The following CARMIL1 variants were observed in gnomAD, a reference collection of about 807,000 sequenced individuals.
The protein encoded by CARMIL1 is F-actin-uncapping protein LRRC16A.
CARMIL1 carries 90 observed loss-of-function variants against 177.1 expected under a neutral mutation model. That is an observed-to-expected ratio of 0.51 (90% confidence interval 0.43 to 0.61). The LOEUF is 0.61. CARMIL1 is among the 20% of genes least tolerant of loss of function. CARMIL1 has a pLI of 0.00. For synonymous variants in CARMIL1, 577 were observed against 606.2 expected, an observed-to-expected ratio of 0.95 and a Z score of 0.71; for missense variants, 1,380 against 1,667.0, an observed-to-expected ratio of 0.83 and a Z score of 3.00.
chr6:25,507,715 C>G (rs1220537038), intron 17 of CARMIL1, among the ~76,000 whole-genome samples: 3 of 151,946 alleles, frequency 2.0e-5, no homozygotes, highest in African/African-American at 7.3e-5. Flanking sequence ...AATTTTATTT[C>G]TCAACAAGTA....
intron 2 of CARMIL1, among the ~76,000 whole-genome samples, chr6:25,308,311 T>TTGTTGGAATAAGA (rs1783443026): frequency 6.6e-6 from 1 of 151,972 alleles, no homozygotes; most frequent in African/African-American, 2.4e-5. Flanking sequence ...TTTGTCACTG[T>TTGTTGGAATAAGA]GCCTGAGAAA....
At chr6:25,365,624 C>A (rs1296728229) in intron 2 of CARMIL1, among the ~76,000 whole-genome samples, 3 of 152,110 alleles carry the variant, frequency 2.0e-5, no homozygotes, top group Non-Finnish European at 2.9e-5. Context: ...GCAATCTCAG[C>A]CCACTGCAAC....
At chr6:25,599,643 C>T (rs562945282) in intron 32 of CARMIL1, among the ~76,000 whole-genome samples, 20 of 152,100 alleles carry the variant, frequency 1.3e-4, no homozygotes, top group Non-Finnish European at 1.6e-4. Flanking sequence ...AAAAGTCAAA[C>T]GCATGAGAAG....
intron 36 of CARMIL1, chr6:25,612,488 C>G (rs1179296140): frequency 6.6e-6 from 1 of 152,046 alleles, no homozygotes; most frequent in Non-Finnish European, 1.5e-5. Context: ...AATACTGGAG[C>G]CTTTTTGTTA....
intron 2 of CARMIL1, among the ~76,000 whole-genome samples, chr6:25,386,677 G>A (rs577802100): frequency 6.6e-6 from 1 of 152,212 alleles, no homozygotes; most frequent in Non-Finnish European, 1.5e-5. Context: ...TTGTCAGGAG[G>A]GTTAAATGAG....
At chr6:25,431,225 C>T (rs561384433) in intron 4 of CARMIL1, among the ~76,000 whole-genome samples, 52 of 151,570 alleles carry the variant, frequency 3.4e-4, no homozygotes, top group African/African-American at 1.2e-3. Context: ...TTGTTCTTTC[C>T]TTCTACTTTT....
At chr6:25,318,204 G>A (rs532854313) in intron 2 of CARMIL1, among the ~76,000 whole-genome samples, 6 of 152,248 alleles carry the variant, frequency 3.9e-5, no homozygotes, top group Non-Finnish European at 8.8e-5. Context: ...CGCACAGTGG[G>A]TTGGAAGGGG....
At chr6:25,325,357 C>T (rs1245781305) in intron 2 of CARMIL1, among the ~76,000 whole-genome samples, 1 of 152,172 alleles carries the variant, frequency 6.6e-6, no homozygotes, top group Non-Finnish European at 1.5e-5. Context: ...AAAGTGTCAT[C>T]TGGTGTGAAG....
At chr6:25,568,244 G>T (rs1309200443) in intron 29 of CARMIL1, among the ~76,000 whole-genome samples, 1 of 152,134 alleles carries the variant, frequency 6.6e-6, no homozygotes, top group Non-Finnish European at 1.5e-5. Context: ...TCTTGGATTT[G>T]TATGTGTTTC....
chr6:25,322,586 C>T (rs7764258), intron 2 of CARMIL1, among the ~76,000 whole-genome samples: 19,249 of 152,170 alleles, frequency 0.13, 1,367 homozygotes, highest in South Asian at 0.18. Flanking sequence ...TTTTTCTGAG[C>T]TTGTAACCTT....
chr6:25,423,036 C>T (rs1031280997), intron 3 of CARMIL1, among the ~76,000 whole-genome samples: 1 of 152,124 alleles, frequency 6.6e-6, no homozygotes, highest in African/African-American at 2.4e-5. Context: ...GCAGCTTTGC[C>T]GCTTTCCCCC....
intron 2 of CARMIL1, among the ~76,000 whole-genome samples, chr6:25,323,516 G>C (rs188200193): frequency 6.6e-6 from 1 of 152,206 alleles, no homozygotes; most frequent in East Asian, 1.9e-4. Flanking sequence ...GGCTGAGGCG[G>C]GAGGATTGCT....
chr6:25,326,990 A>T lies in CARMIL1; in HGVS notation c.138+42081A>T, dbSNP rs572845345. Among the ~76,000 whole-genome samples, 1 of 152,142 alleles carries T rather than the reference A, an allele frequency of 6.6e-6. No individual in the cohort carries two copies. The highest frequency in any genetic ancestry group is 1.5e-5 in the Non-Finnish European group (1 of 68,034). The stretch of plus-strand genomic sequence containing the variant: ...TGAACACATTGCGTTTGGAGTGTTC[A>T]TGAAATGTCCAAGTGAAGATGTTGG... On this transcript the variant is annotated intron_variant, in intron 2 of 36. Transcript: ENST00000329474. This position sits in a 1 kb window ranked among gnomAD's most constrained non-coding sequence, Gnocchi z 4.2.
At chr6:25,354,338 T>C (rs1382417212) in intron 2 of CARMIL1, among the ~76,000 whole-genome samples, 2 of 100,848 alleles carry the variant, frequency 2.0e-5, no homozygotes, top group African/African-American at 8.4e-5. Context: ...AAATTTTTTT[T>C]TTTTTTTTTT....
In CARMIL1 at chr6:25,289,204, T is replaced by C. The variant is rs1175463038; in HGVS notation, c.138+4295T>C. On this transcript the variant is annotated intron_variant, in intron 2 of 36. Transcript: ENST00000329474. ...GTGAGTAGTTCCACTCTGGGCTACG[T>C]TGGCTTGACATGTCATATGTTGTTG... 1.8e-4 allele frequency among the ~76,000 whole-genome samples: 27 copies of C among 152,158 alleles called. 1 individual carries two copies. The highest frequency in any genetic ancestry group is 7.4e-5 in the Non-Finnish European group (5 of 68,014).
chr6:25,575,346 T>A (rs1812486847), intron 29 of CARMIL1, among the ~76,000 whole-genome samples: 1 of 152,238 alleles, frequency 6.6e-6, no homozygotes, highest in African/African-American at 2.4e-5. Context: ...CATTTTTTGC[T>A]TGCCTGTCAT....
chr6:25,554,102 T>C lies in CARMIL1; in HGVS notation c.2592+6T>C, dbSNP rs774974279. On this transcript the variant is annotated splice_donor_region_variant and intron_variant, in intron 28 of 36. Transcript: ENST00000329474. This position sits in a 1 kb window ranked among gnomAD's most constrained non-coding sequence, Gnocchi z 4.6. ...CACATTGCCATCATAAACTGGTGAG[T>C]GCTGTGCACATCTTGAGCAGGACCT... The C allele has an allele frequency of 6.3e-7, 1 of 1,579,104 alleles. No homozygotes were observed. The highest frequency in any genetic ancestry group is 1.2e-5 in the South Asian group (1 of 86,224).
chr6:25,574,305 A>G (rs897392784), intron 29 of CARMIL1, among the ~76,000 whole-genome samples: 2 of 152,342 alleles, frequency 1.3e-5, no homozygotes, highest in African/African-American at 4.8e-5. Context: ...ACAAATGCCA[A>G]ATACCTGTGT....
At chr6:25,408,705 T>G (rs755314135) in intron 2 of CARMIL1, among the ~76,000 whole-genome samples, 36 of 152,188 alleles carry the variant, frequency 2.4e-4, no homozygotes, top group Admixed American at 9.8e-4. Context: ...GATGCTGTAT[T>G]GTCCCCTGAT....
Sources: gnomAD v4.1 joint callset for allele counts (sites outside exome capture counted in the v4.1 genomes callset) on GRCh38, gnomAD v4.1.1 for gene constraint, Gnocchi (gnomAD v3.1) non-coding constraint, MANE v1.5 for transcripts, NCBI Gene and HGNC (gene_info 2026-07-23, HGNC 2026-07-21) for gene names.